The following PLCG2 variants were observed in gnomAD, a reference collection of about 807,000 sequenced individuals.
The protein encoded by PLCG2 is 1-phosphatidylinositol 4,5-bisphosphate phosphodiesterase gamma-2.
A neutral mutation model predicts 175.6 loss-of-function variants in PLCG2; 69 were observed. That is an observed-to-expected ratio of 0.39 (90% CI 0.32 to 0.48). PLCG2 has a LOEUF of 0.48. Among genes scored for constraint, PLCG2 ranks in the 20% least tolerant of loss-of-function variants. PLCG2 has a pLI of 0.91. For missense variants in PLCG2, 1,798 were observed against 1,650.9 expected, an observed-to-expected ratio of 1.09 and a Z score of -1.54; for synonymous variants, 827 against 624.0, an observed-to-expected ratio of 1.33 and a Z score of -4.85.
rs375546602 is a variant in PLCG2, at chr16:81,908,581, C to T, written c.1723C>T (p.Leu575=). The T allele has an allele frequency of 1.3e-5, 21 of 1,608,952 alleles. No individual in the cohort carries two copies. The highest frequency in any genetic ancestry group is 1.7e-5 in the Admixed American group (1 of 59,700). ...ESETFPNDYT[L]SFWRSGRVQH... ...CGAGACCTTCCCCAATGACTACACCCTGTCCTTCTGGTAATGCCCCCGACC... is the reference window on the plus strand; with the variant it reads ...CGAGACCTTCCCCAATGACTACACCTTGTCCTTCTGGTAATGCCCCCGACC... Residue 575 remains leucine (L), a synonymous_variant, in exon 17 of 33, where the codon CTG becomes TTG. Coordinates refer to ENST00000564138, the MANE Select transcript of PLCG2 (RefSeq NM_002661.5).
chr16:81,825,243 C>G (rs555074154), intron 2 of PLCG2, among the ~76,000 whole-genome samples: 6 of 150,988 alleles, frequency 4.0e-5, no homozygotes, highest in Non-Finnish European at 7.4e-5. Flanking sequence ...TTTCCTATTA[C>G]TGCTCTAATC....
chr16:81,905,362 G>A, intron 14 of PLCG2, 41 bp from the exon 15 acceptor site: 1 of 1,417,724 alleles, frequency 7.1e-7, no homozygotes, highest in Non-Finnish European at 9.9e-7. Context: ...CCTAAACTTG[G>A]GTCTCCATGG....
At chr16:81,773,186 G>C (rs959060689) in intron 2 of PLCG2, among the ~76,000 whole-genome samples, 1 of 152,194 alleles carries the variant, frequency 6.6e-6, no homozygotes, top group Non-Finnish European at 1.5e-5. Flanking sequence ...TTGGGAAAAG[G>C]TGTACTCTTT....
chr16:81,938,071 C>T (rs185690018), intron 28 of PLCG2, among the ~76,000 whole-genome samples, 168 bp downstream of exon 28: 9 of 152,208 alleles, frequency 5.9e-5, no homozygotes, highest in Admixed American at 3.3e-4. Flanking sequence ...CAGTACACTC[C>T]GGGGTCGTTC....
chr16:81,827,019 C>T (rs908600164), intron 2 of PLCG2, among the ~76,000 whole-genome samples: 3 of 152,166 alleles, frequency 2.0e-5, no homozygotes, highest in Admixed American at 6.6e-5. Context: ...CTCCCTGTTC[C>T]CCTAGGGAAT....
At chr16:81,863,281 A>G (rs1393721327) in intron 5 of PLCG2, among the ~76,000 whole-genome samples, 1 of 152,238 alleles carries the variant, frequency 6.6e-6, no homozygotes, top group Non-Finnish European at 1.5e-5. Flanking sequence ...GGTACCTCAT[A>G]TAAGTGGACT....
intron 5 of PLCG2, among the ~76,000 whole-genome samples, chr16:81,866,043 A>G (rs542291840): frequency 1.7e-3 from 198 of 113,660 alleles, no homozygotes; most frequent in Admixed American, 2.7e-3. Flanking sequence ...GGGCACCAGC[A>G]TGAGAGGACG....
chr16:81,925,561 T>G (rs1910229643), intron 22 of PLCG2, among the ~76,000 whole-genome samples: 1 of 152,150 alleles, frequency 6.6e-6, no homozygotes, highest in South Asian at 2.1e-4. Context: ...GTTAAGTTCT[T>G]CCCACCACCA....
chr16:81,814,192 G>C (rs534322372), intron 2 of PLCG2, among the ~76,000 whole-genome samples: 1 of 152,334 alleles, frequency 6.6e-6, no homozygotes, highest in South Asian at 2.1e-4. Flanking sequence ...GAGGGGAATG[G>C]TACCGGGTCT....
At chr16:81,825,520 C>G (rs1025972861) in intron 2 of PLCG2, among the ~76,000 whole-genome samples, 2 of 152,094 alleles carry the variant, frequency 1.3e-5, no homozygotes, top group African/African-American at 2.4e-5. Flanking sequence ...GTCTCCAACT[C>G]CTGACCTCAG....
intron 2 of PLCG2, among the ~76,000 whole-genome samples, chr16:81,848,913 G>C (rs1328955945): frequency 1.3e-5 from 2 of 152,198 alleles, no homozygotes; most frequent in African/African-American, 4.8e-5. Flanking sequence ...GAGGTTTTCT[G>C]AGTTTGGTTT....
At chr16:81,800,742 A>T (rs1004006068) in intron 2 of PLCG2, among the ~76,000 whole-genome samples, 1 of 152,120 alleles carries the variant, frequency 6.6e-6, no homozygotes, top group Non-Finnish European at 1.5e-5. Flanking sequence ...TGCTCCCAAG[A>T]TGCCCTTGTC....
chr16:81,828,535 G>A (rs915391933), intron 2 of PLCG2, among the ~76,000 whole-genome samples: 3 of 152,116 alleles, frequency 2.0e-5, no homozygotes, highest in African/African-American at 7.2e-5. Context: ...ACCGCACCCG[G>A]CCGAGAAGCG....
At chr16:81,866,163 G>A (rs1167414687) in intron 5 of PLCG2, among the ~76,000 whole-genome samples, 1 of 118,974 alleles carries the variant, frequency 8.4e-6, no homozygotes, top group African/African-American at 3.5e-5. Context: ...CAGCATGAGA[G>A]GACGCTGGCC....
chr16:81,839,651 A>G (rs1905716695), intron 2 of PLCG2, among the ~76,000 whole-genome samples: 1 of 152,214 alleles, frequency 6.6e-6, no homozygotes, highest in South Asian at 2.1e-4. Context: ...TTTTTTCAAT[A>G]TATTTTAAAA....
intron 10 of PLCG2, among the ~76,000 whole-genome samples, chr16:81,890,063 G>C (rs1164009327): frequency 6.6e-6 from 1 of 152,136 alleles, no homozygotes; most frequent in Admixed American, 6.5e-5. Flanking sequence ...CTTCTGGGTG[G>C]GGCCACAGGA....
upstream of PLCG2, among the ~76,000 whole-genome samples, chr16:81,777,231 C>T (rs187230601): frequency 2.0e-5 from 3 of 152,208 alleles, no homozygotes; most frequent in South Asian, 4.1e-4. Context: ...GGAGCCACGG[C>T]TCCCTAGAGT....
chr16:81,941,099 A>G (rs1459181414), intron 30 of PLCG2, among the ~76,000 whole-genome samples: 1 of 152,218 alleles, frequency 6.6e-6, no homozygotes, highest in Non-Finnish European at 1.5e-5. Context: ...GTGGGGCTCA[A>G]TGAAGAGCTG....
rs114594161 is a variant in PLCG2, at chr16:81,845,324, T to C, written c.194-9120T>C. 4.8e-3 allele frequency among the ~76,000 whole-genome samples: 732 copies of C among 152,348 alleles called. 7 individuals are homozygous for C. The highest frequency in any genetic ancestry group is 0.017 in the African/African-American group (693 of 41,578). ...GAGAAGCTTCTACATCTTTGTTTTT[T>C]TTCCCCTACATTTTTGTTTTGCCAG... On this transcript the variant is annotated intron_variant, in intron 2 of 32. Coordinates refer to ENST00000564138, the MANE Select transcript of PLCG2 (RefSeq NM_002661.5).
Sources: gnomAD v4.1 joint callset for allele counts (sites outside exome capture counted in the v4.1 genomes callset) on GRCh38, gnomAD v4.1.1 for gene constraint, MANE v1.5 for transcripts, NCBI Gene and HGNC (gene_info 2026-07-23, HGNC 2026-07-21) for gene names.